The following SLC7A9 variants were observed in gnomAD, a reference collection of about 807,000 sequenced individuals.
SLC7A9 encodes solute carrier family 7 member 9.
In SLC7A9, 38 loss-of-function variants were observed where a neutral mutation model predicts 54.1. That is an observed-to-expected ratio of 0.70 (90% CI 0.54 to 0.92). The LOEUF is 0.92. Among genes scored for constraint, SLC7A9 ranks in the 40% least tolerant of loss-of-function variants. The pLI is 0.00. For synonymous variants in SLC7A9, 264 were observed against 258.9 expected, an observed-to-expected ratio of 1.02 and a Z score of -0.19; for missense variants, 537 against 636.1, an observed-to-expected ratio of 0.84 and a Z score of 1.68.
intron 7 of SLC7A9, 102 bp from the exon 8 acceptor site, chr19:32,860,066 G>C (rs1174494357): frequency 6.2e-7 from 1 of 1,603,948 alleles, no homozygotes; most frequent in Admixed American, 1.7e-5. Context: ...TTCGCAGGTA[G>C]CAGAGGCCCA....
chr19:32,852,574 T>G (rs1304616304), intron 9 of SLC7A9, among the ~76,000 whole-genome samples: 1 of 152,092 alleles, frequency 6.6e-6, no homozygotes, highest in Non-Finnish European at 1.5e-5. Context: ...AAATTAGAAG[T>G]CAATACAAAT....
chr19:32,833,352 C>T, intron 11 of SLC7A9, 29 bp from the exon 12 acceptor site: 1 of 1,612,318 alleles, frequency 6.2e-7, no homozygotes, highest in Non-Finnish European at 8.5e-7. Context: ...TCATGGGTAC[C>T]CATTTTCTTT....
intron 9 of SLC7A9, among the ~76,000 whole-genome samples, chr19:32,848,521 C>T (rs146113505): frequency 0.04 from 6,132 of 152,150 alleles, 376 homozygotes; most frequent in African/African-American, 0.13. Flanking sequence ...CAGGAGCACC[C>T]AGATTCATAA....
chr19:32,855,532 T>C lies in SLC7A9; in HGVS notation c.977+2908A>G, dbSNP rs150870984. 5.6e-3 allele frequency among the ~76,000 whole-genome samples: 859 copies of C among 152,048 alleles called. 5 individuals carry two copies. Among genetic ancestry groups the C allele is most frequent in the Non-Finnish European group, 8.6e-3 (587 of 67,980 alleles). ...GGCAAACACGGTGAAACCCCATCTCTACTAAAAATACAAAAAAAAATTAGC... is the reference window on the plus strand; with the variant it reads ...GGCAAACACGGTGAAACCCCATCTCCACTAAAAATACAAAAAAAAATTAGC... On this transcript the variant is annotated intron_variant, in intron 9 of 12. Coordinates refer to ENST00000023064, the MANE Select transcript of SLC7A9 (RefSeq NM_014270.5).
At chr19:32,865,389 G>A (rs1053617735) in intron 2 of SLC7A9, among the ~76,000 whole-genome samples, 7 of 152,164 alleles carry the variant, frequency 4.6e-5, no homozygotes, top group Admixed American at 1.3e-4. Flanking sequence ...CTGCAGCCTC[G>A]AACTCCTGGG....
At chr19:32,848,984 AACGAGAAC>A (rs1968383936) in intron 9 of SLC7A9, among the ~76,000 whole-genome samples, 1 of 152,186 alleles carries the variant, frequency 6.6e-6, no homozygotes, top group South Asian at 2.1e-4. Flanking sequence ...CTTTGAAACC[AACGAGAAC>A]AAAGACACAA....
chr19:32,863,380 G>T (rs1968864386), intron 4 of SLC7A9, among the ~76,000 whole-genome samples: 1 of 151,924 alleles, frequency 6.6e-6, no homozygotes, highest in Admixed American at 6.6e-5. Flanking sequence ...CTCCACCTTG[G>T]TCTCCCAAAG....
At chr19:32,857,114 C>T (rs1171006506) in intron 9 of SLC7A9, among the ~76,000 whole-genome samples, 2 of 152,026 alleles carry the variant, frequency 1.3e-5, no homozygotes, top group Non-Finnish European at 2.9e-5. Context: ...CACACCACTG[C>T]ACTCCAGCCT....
At chr19:32,839,342 C>T (rs978510239) in intron 11 of SLC7A9, among the ~76,000 whole-genome samples, 15 of 152,046 alleles carry the variant, frequency 9.9e-5, no homozygotes, top group Non-Finnish European at 1.9e-4. Context: ...ATCACAAAGT[C>T]AGGAGTTCGA....
intron 4 of SLC7A9, among the ~76,000 whole-genome samples, chr19:32,863,768 C>T (rs947445285): frequency 5.9e-5 from 9 of 152,198 alleles, no homozygotes; most frequent in Non-Finnish European, 1.2e-4. Flanking sequence ...ATGACCTTAG[C>T]CGGGCTGCCT....
At chr19:32,849,985 T>C (rs1968421670) in intron 9 of SLC7A9, among the ~76,000 whole-genome samples, 1 of 151,694 alleles carries the variant, frequency 6.6e-6, no homozygotes, top group Non-Finnish European at 1.5e-5. Context: ...TCAACAACCC[T>C]TCATGCTAAA....
At chr19:32,848,809 A>T (rs1263441212) in intron 9 of SLC7A9, among the ~76,000 whole-genome samples, 2 of 152,234 alleles carry the variant, frequency 1.3e-5, no homozygotes, top group Non-Finnish European at 2.9e-5. Context: ...GCAAATGTAA[A>T]AGGACAGAAA....
chr19:32,862,356 T>C (rs986709973), intron 5 of SLC7A9, 105 bp downstream of exon 5: 1 of 1,545,106 alleles, frequency 6.5e-7, no homozygotes, highest in Admixed American at 1.7e-5. Context: ...ACCGAGTTCC[T>C]GCCATGCTTC....
chr19:32,852,582 A>G (rs998102279), intron 9 of SLC7A9, among the ~76,000 whole-genome samples: 1 of 152,170 alleles, frequency 6.6e-6, no homozygotes, highest in Non-Finnish European at 1.5e-5. Flanking sequence ...AGTCAATACA[A>G]ATGCCACAAA....
chr19:32,864,936 G>A (rs542546842), intron 2 of SLC7A9, among the ~76,000 whole-genome samples, 160 bp from the exon 3 acceptor site: 44 of 152,342 alleles, frequency 2.9e-4, no homozygotes, highest in Non-Finnish European at 5.6e-4. Context: ...CCGGGGCACC[G>A]CTCCCGGAGC....
chr19:32,860,056 T>C (rs1248257289), intron 7 of SLC7A9, 92 bp from the exon 8 acceptor site: 2 of 1,608,386 alleles, frequency 1.2e-6, no homozygotes, highest in Non-Finnish European at 1.7e-6. Flanking sequence ...AGGGAGAAGA[T>C]TCGCAGGTAG....
chr19:32,865,808 T>C (rs1417755988), intron 2 of SLC7A9, among the ~76,000 whole-genome samples: 1 of 151,864 alleles, frequency 6.6e-6, no homozygotes, highest in Non-Finnish European at 1.5e-5. Context: ...CCGTTTCTAC[T>C]AAAAAATACA....
chr19:32,863,670 T>TCC (rs547181522), intron 4 of SLC7A9, among the ~76,000 whole-genome samples: 235 of 152,000 alleles, frequency 1.5e-3, no homozygotes, highest in African/African-American at 5.4e-3. Flanking sequence ...CCACCCCTAC[T>TCC]CCCCCACCAG....
intron 4 of SLC7A9, among the ~76,000 whole-genome samples, chr19:32,863,574 T>C (rs1473072824): frequency 1.3e-5 from 2 of 152,132 alleles, no homozygotes; most frequent in Admixed American, 1.3e-4. Flanking sequence ...TTGACCAGGC[T>C]GATCTCAAAC....
Sources: allele counts gnomAD v4.1 joint callset (sites outside exome capture counted in the v4.1 genomes callset), GRCh38; gene constraint gnomAD v4.1.1; transcripts MANE v1.5; gene names NCBI Gene and HGNC (gene_info 2026-07-23, HGNC 2026-07-21).